The following HLA-DQB2 variants were observed in gnomAD, a reference collection of about 807,000 sequenced individuals.
HLA-DQB2 encodes the protein major histocompatibility complex, class II, DQ beta 2, also known as HLA class II histocompatibility antigen, DQ beta 2 chain.
In HLA-DQB2, 24 loss-of-function variants were observed where a neutral mutation model predicts 29.2. That is an observed-to-expected ratio of 0.82 (90% CI 0.60 to 1.16). The LOEUF (loss-of-function observed/expected upper bound fraction) is 1.16. Among genes scored for constraint, HLA-DQB2 ranks in the 50% most tolerant of loss-of-function variants. The pLI is 0.00. For missense variants in HLA-DQB2, 273 were observed against 343.6 expected, an observed-to-expected ratio of 0.79 and a Z score of 1.62; for synonymous variants, 104 against 133.1, an observed-to-expected ratio of 0.78 and a Z score of 1.51.
chr6:32,758,770 G>C, intron 3 of HLA-DQB2, 80 bp downstream of exon 3: 1 of 1,509,938 alleles, frequency 6.6e-7, no homozygotes, highest in Non-Finnish European at 9.0e-7. Context: ...AGGGACAAGA[G>C]ATGGGATGGG....
chr6:32,757,928 A>AGTTTCCCTG (rs756163869), intron 3 of HLA-DQB2, 45 bp from the exon 4 acceptor site: 514 of 1,497,522 alleles, frequency 3.4e-4, no homozygotes, highest in South Asian at 1.1e-3. Context: ...CACACCCCAT[A>AGTTTCCCTG]ATGTCCTTGG....
intron 3 of HLA-DQB2, 86 bp from the exon 4 acceptor site, chr6:32,757,969 G>C: frequency 1.7e-6 from 2 of 1,151,286 alleles, no homozygotes; most frequent in South Asian, 1.5e-5. Flanking sequence ...GGGGACACTA[G>C]TTCTCCAGTC....
At chr6:32,761,226 G>A (rs1249056671) in intron 2 of HLA-DQB2, among the ~76,000 whole-genome samples, 8,080 of 122,936 alleles carry the variant, frequency 0.066, no homozygotes, top group East Asian at 0.14. Context: ...GAAGCTTCCT[G>A]CGGCGCGAGC....
intron 2 of HLA-DQB2, 108 bp downstream of exon 2, chr6:32,761,552 G>A (rs1370201995): frequency 1.6e-6 from 2 of 1,250,140 alleles, no homozygotes; most frequent in African/African-American, 1.5e-5. Flanking sequence ...TGTACCCTGG[G>A]ATGGATCAGG....
At chr6:32,761,981 C>T in intron 1 of HLA-DQB2, 55 bp from the exon 2 acceptor site, 1 of 1,559,040 alleles carries the variant, frequency 6.4e-7, no homozygotes. Flanking sequence ...AGCCCCAGCC[C>T]CCAGCCGGAC....
rs1284087505 is a variant in HLA-DQB2, at chr6:32,761,853, T to G, written c.171A>C (p.Arg57Ser). ...CGTACTCCTCGCGGTTATAGATGTA[T>G]CTGGCCACACCGCGCACGCGCTCTG... Reference protein sequence around the residue: ...NGTERVRGVARYIYNREEYGR... With the variant: ...NGTERVRGVASYIYNREEYGR... The change falls in exon 2 of 6, where the codon AGA becomes AGC. Residue 57 changes from arginine to serine, a missense_variant. Coordinates refer to ENST00000437316, the MANE Select transcript of HLA-DQB2 (RefSeq NM_001300790.2). 7 of 1,611,258 alleles carry G rather than the reference T, an allele frequency of 4.3e-6. No individual in the cohort carries two copies. The highest frequency in any genetic ancestry group is 2.2e-5 in the South Asian group (2 of 90,490).
In HLA-DQB2 at chr6:32,761,899, A is replaced by C. The variant is rs1320247199; in HGVS notation, c.125T>G (p.Met42Arg). 6.2e-7 allele frequency: 1 copy of C among 1,612,352 alleles called. No homozygotes were observed. Among genetic ancestry groups the C allele is most frequent in the African/African-American group, 1.3e-5 (1 of 74,998 alleles). Residue 42 changes from methionine (M) to arginine (R), a missense_variant, in exon 2 of 6, where the codon ATG (methionine) becomes AGG (arginine). Met to Arg is a moderately conservative substitution (Grantham distance 91). Transcript: ENST00000437316. ...CTCTGTCCCGTTGGTGAAGTAGCAC[A>C]TGCCCTTAAACTGGACCAAGAAATC... is the stretch of plus-strand genomic sequence containing the variant. ...PKDFLVQFKG[M>R]CYFTNGTERV...
chr6:32,763,293 G>A, intron 1 of HLA-DQB2, 81 bp downstream of exon 1: 1 of 742,258 alleles, frequency 1.3e-6, no homozygotes, highest in Non-Finnish European at 2.3e-6. Flanking sequence ...AGATCATGGA[G>A]ATCACCATCC....
chr6:32,756,582 A>G (rs1764280359), intron 5 of HLA-DQB2, 116 bp from the exon 6 acceptor site: 2 of 1,492,736 alleles, frequency 1.3e-6, no homozygotes, highest in African/African-American at 1.4e-5. Context: ...TCCAGGGCAT[A>G]TCATCATCAC....
rs751622703 is a variant in HLA-DQB2 at position 32,757,767 on chromosome 6, C to G, written c.757+6G>C. 2 of 1,609,068 alleles carry G rather than the reference C, an allele frequency of 1.2e-6. No individual in the cohort carries two copies. The highest frequency in any genetic ancestry group is 1.7e-6 in the Non-Finnish European group (2 of 1,177,926). On this transcript the variant is annotated splice_donor_region_variant and intron_variant, in intron 4 of 5. Transcript: ENST00000437316. ...ATCTTCCCCATTTCCCCCTTGGGTT[C>G]CTCACCTTTCTGACCCCTGTGACGG... is the stretch of plus-strand genomic sequence containing the variant.
rs752765802 is a variant in HLA-DQB2 at position 32,761,820 on chromosome 6, G to T, written c.204C>A (p.Phe68Leu). The part of the protein sequence containing the change: ...YIYNREEYGR[F>L]DSDVGEFQAV... Reference sequence around the variant, plus strand: ...CCTGGAACTCCCCAACGTCGCTGTCGAAGCGCCCGTACTCCTCGCGGTTAT... The same window carrying T: ...CCTGGAACTCCCCAACGTCGCTGTCTAAGCGCCCGTACTCCTCGCGGTTAT... The change falls in exon 2 of 6, where the codon TTC becomes TTA. Residue 68 changes from phenylalanine (F) to leucine (L), a missense_variant. Physicochemically the swap from Phe to Leu is conservative, Grantham distance 22. Coordinates refer to ENST00000437316, the MANE Select transcript of HLA-DQB2 (RefSeq NM_001300790.2). The T allele has an allele frequency of 6.2e-6, 10 of 1,603,600 alleles. No individual in the cohort carries two copies. In the Admixed American group the frequency reaches 1.5e-4, roughly 25 times the overall value.
At position 32,761,833 on chromosome 6, in the gene HLA-DQB2, T is replaced by C. The variant is rs1271803082; in HGVS notation, c.191A>G (p.Glu64Gly). ...GVARYIYNREEYGRFDSDVGE... is the reference protein window; with the variant it reads ...GVARYIYNREGYGRFDSDVGE... ...AACGTCGCTGTCGAAGCGCCCGTAC[T>C]CCTCGCGGTTATAGATGTATCTGGC... is the stretch of plus-strand genomic sequence containing the variant. The change falls in exon 2 of 6, where the codon GAG (glutamate) becomes GGG (glycine). Residue 64 changes from glutamate (E) to glycine (G), a missense_variant. Glu to Gly is a moderately conservative substitution (Grantham distance 98). Transcript: ENST00000437316. 1.9e-6 allele frequency: 3 copies of C among 1,607,788 alleles called. No homozygotes were observed. The highest frequency in any genetic ancestry group is 2.2e-5 in the South Asian group (2 of 89,898).
intron 2 of HLA-DQB2, 53 bp downstream of exon 2, chr6:32,761,607 G>C: frequency 6.7e-7 from 1 of 1,503,116 alleles, no homozygotes; most frequent in Non-Finnish European, 8.9e-7. Flanking sequence ...CTGTGCGCAA[G>C]AGACTCGGGC....
At chr6:32,760,526 T>A (rs1431022130) in intron 2 of HLA-DQB2, among the ~76,000 whole-genome samples, 1 of 152,100 alleles carries the variant, frequency 6.6e-6, no homozygotes, top group Non-Finnish European at 1.5e-5. Context: ...ATAACTTAGA[T>A]GGTGTTTGCT....
rs759736932 is a variant in HLA-DQB2 at position 32,758,843 on chromosome 6, C to T, written c.646+7G>A. On this transcript the variant is annotated splice_region_variant and intron_variant, in intron 3 of 5. Transcript: ENST00000437316. ...CCCACAGTAAAAGGAAACCAGTTTC[C>T]CCTTACGCCACTCCACGGTGATGGG... 4 of 1,610,696 alleles carry T rather than the reference C, an allele frequency of 2.5e-6. No homozygotes were observed. The highest frequency in any genetic ancestry group is 3.4e-6 in the Non-Finnish European group (4 of 1,177,630).
At chr6:32,757,505 C>T (rs560406885) in intron 4 of HLA-DQB2, among the ~76,000 whole-genome samples, 1 of 152,126 alleles carries the variant, frequency 6.6e-6, no homozygotes, top group African/African-American at 2.4e-5. Context: ...AGGCTCTGAC[C>T]CTCATAATGG....
At chr6:32,761,537 C>A (rs1170185188) in intron 2 of HLA-DQB2, 123 bp downstream of exon 2, 3 of 1,141,110 alleles carry the variant, frequency 2.6e-6, no homozygotes, top group Non-Finnish European at 3.6e-6. Context: ...TCCCCGCCAC[C>A]TTCCTGTACC....
At chr6:32,756,964 T>G in intron 5 of HLA-DQB2, 4 of 1,239,588 alleles carry the variant, frequency 3.2e-6, no homozygotes, top group Non-Finnish European at 4.0e-6. Flanking sequence ...TTAACCCTCA[T>G]AGCAGCAAAC....
intron 2 of HLA-DQB2, 45 bp downstream of exon 2, chr6:32,761,615 G>A: frequency 1.3e-6 from 2 of 1,512,340 alleles, no homozygotes; most frequent in Non-Finnish European, 1.8e-6. Flanking sequence ...AAGAGACTCG[G>A]GCCCCGGCCA....
Sources: allele counts gnomAD v4.1 joint callset (sites outside exome capture counted in the v4.1 genomes callset), GRCh38; gene constraint gnomAD v4.1.1; transcripts MANE v1.5; gene names NCBI Gene and HGNC (gene_info 2026-07-23, HGNC 2026-07-21).